Variants in PIK3R3 observed in about 807,000 individuals in gnomAD.
PIK3R3 encodes phosphoinositide-3-kinase regulatory subunit 3, also known as phosphatidylinositol 3-kinase regulatory subunit gamma.
A neutral mutation model predicts 62.9 loss-of-function variants in PIK3R3; 64 were observed. That is an observed-to-expected ratio of 1.02 (90% CI 0.83 to 1.25). The LOEUF (loss-of-function observed/expected upper bound fraction) is 1.25, where lower values mean the gene tolerates loss of function less well. Ranked by LOEUF, PIK3R3 falls within the 50% of genes most tolerant of loss-of-function variation. The pLI is 0.00. For missense variants in PIK3R3, 614 were observed against 561.6 expected (o/e 1.09, Z -0.94); for synonymous variants, 165 against 189.0 (o/e 0.87, Z 1.04).
intron 1 of PIK3R3, among the ~76,000 whole-genome samples, chr1:46,114,718 T>TGC (rs1654025398): frequency 6.7e-6 from 1 of 149,360 alleles, no homozygotes. Flanking sequence ...AATCCTCCCA[T>TGC]CTCAGCCTCC....
At chr1:46,078,521 G>C (rs2149411332) in intron 2 of PIK3R3, among the ~76,000 whole-genome samples, 1 of 152,164 alleles carries the variant, frequency 6.6e-6, no homozygotes, top group South Asian at 2.1e-4. Flanking sequence ...CAGCCTGGGG[G>C]ACTGAACGAG....
chr1:46,074,532 G>A (rs1185857965), intron 3 of PIK3R3, among the ~76,000 whole-genome samples: 1 of 152,026 alleles, frequency 6.6e-6, no homozygotes, highest in African/African-American at 2.4e-5. Context: ...TCTAGCTATA[G>A]GTCTAGAAGC....
chr1:46,104,079 C>T (rs1472340271), intron 1 of PIK3R3, among the ~76,000 whole-genome samples: 7 of 151,616 alleles, frequency 4.6e-5, no homozygotes, highest in Non-Finnish European at 1.0e-4. Flanking sequence ...GATGCACCAC[C>T]ATGCCTGGCT....
At position 46,132,252 on chromosome 1, in the gene PIK3R3, C is replaced by A; in HGVS notation, c.-300G>T. On this transcript the variant is annotated 5_prime_UTR_variant, in exon 1 of 10. Coordinates refer to ENST00000262741, the MANE Select transcript of PIK3R3 (RefSeq NM_003629.4). Reference sequence around the variant, plus strand: ...AAAAGCGGCTTCCCAAAAATCCTTTCTACACAGTCGCTCTCCGGGGAGAAA... The same window carrying A: ...AAAAGCGGCTTCCCAAAAATCCTTTATACACAGTCGCTCTCCGGGGAGAAA... 8.6e-7 allele frequency: 1 copy of A among 1,157,152 alleles called. No individual in the cohort carries two copies. Among genetic ancestry groups the A allele is most frequent in the East Asian group, 5.8e-5 (1 of 17,362 alleles). The allele number at this position is 1,157,152 out of a possible 1,614,324, so 71.7% of individuals were successfully genotyped here.
the PIK3R3 span, among the ~76,000 whole-genome samples, chr1:46,155,125 G>A: frequency 6.6e-6 from 1 of 152,122 alleles, no homozygotes; most frequent in Non-Finnish European, 1.5e-5. Flanking sequence ...TTGAAGACCA[G>A]CCTGGGTAAC....
intron 1 of PIK3R3, among the ~76,000 whole-genome samples, chr1:46,093,046 T>C (rs1182920804): frequency 1.3e-5 from 2 of 152,136 alleles, no homozygotes; most frequent in Non-Finnish European, 2.9e-5. Context: ...TACCCTAAAT[T>C]TACCTCTCTC....
chr1:46,129,876 T>G (rs965207259), intron 1 of PIK3R3, among the ~76,000 whole-genome samples: 3 of 152,206 alleles, frequency 2.0e-5, no homozygotes, highest in African/African-American at 7.2e-5. Flanking sequence ...CATATGTATT[T>G]TTCAGTATTC....
At chr1:46,161,908 T>C in the PIK3R3 span, among the ~76,000 whole-genome samples, 1,085 of 150,346 alleles carry the variant, frequency 7.2e-3, 7 homozygotes, top group East Asian at 0.016. Flanking sequence ...CTGGCTAACA[T>C]GGTGAAACCC....
upstream of PIK3R3, chr1:46,132,932 CT>C (rs1343397622): frequency 1.7e-6 from 2 of 1,164,930 alleles, no homozygotes; most frequent in Non-Finnish European, 2.2e-6. Flanking sequence ...GATCCGGGCG[CT>C]GGCCGCACTC....
intron 1 of PIK3R3, among the ~76,000 whole-genome samples, chr1:46,113,675 C>T (rs1002494812): frequency 6.6e-6 from 1 of 152,206 alleles, no homozygotes; most frequent in Non-Finnish European, 1.5e-5. Flanking sequence ...ACGTCTCCTA[C>T]TCCACCAGTA....
chr1:46,096,827 C>T (rs926450458), intron 1 of PIK3R3, among the ~76,000 whole-genome samples: 3 of 142,928 alleles, frequency 2.1e-5, no homozygotes, highest in South Asian at 2.2e-4. Context: ...GGCAACAGAG[C>T]GAGACTCTGT....
rs1646972081 is a variant in PIK3R3 at position 46,040,303 on chromosome 1, GAAC to G, written c.*3367_*3369del. On this transcript the variant is annotated 3_prime_UTR_variant, in exon 10 of 10. Transcript: ENST00000262741. ...AATGTCTGAACACATCTGGTGACAA[GAAC>G]AATTTGTAAAGTGGTCTAGCAACTA... 1 of 232,184 alleles carries G rather than the reference GAAC, an allele frequency of 4.3e-6. No homozygotes were observed. Among genetic ancestry groups the G allele is most frequent in the Non-Finnish European group, 8.5e-6 (1 of 117,180 alleles). 14.4% of individuals were successfully genotyped at this position (232,184 alleles called of 1,614,324 possible).
intron 1 of PIK3R3, among the ~76,000 whole-genome samples, chr1:46,090,710 A>G (rs1651549354): frequency 6.6e-6 from 1 of 152,224 alleles, no homozygotes. Context: ...AAAAATACTC[A>G]AAACTCATTG....
intron 6 of PIK3R3, among the ~76,000 whole-genome samples, chr1:46,058,566 G>A (rs1247675767): frequency 6.6e-6 from 1 of 152,260 alleles, no homozygotes; most frequent in African/African-American, 2.4e-5. Flanking sequence ...TCTTGCGTCA[G>A]CATGTCCTGG....
At chr1:46,085,116 G>A (rs1348454275) in intron 1 of PIK3R3, among the ~76,000 whole-genome samples, 1 of 152,186 alleles carries the variant, frequency 6.6e-6, no homozygotes, top group Non-Finnish European at 1.5e-5. Context: ...CTGCCTCCTT[G>A]TATCTTGCTG....
Position 46,055,811 on chromosome 1 carries a change from G to C in PIK3R3, c.925C>G (p.Arg309Gly), listed in dbSNP as rs968243629. The C allele has an allele frequency of 2.5e-6, 4 of 1,589,404 alleles. No individual in the cohort carries two copies. In the Admixed American group the frequency reaches 7.1e-5, roughly 28 times the overall value. The change falls in exon 7 of 10, where the codon CGA becomes GGA. Residue 309 changes from arginine (R) to glycine (G), a missense_variant. Transcript: ENST00000262741. ...ACTACTTACACAAGGTGTTGATCTCGGATCTTTCGCAGCTGGATCAGGTCA... is the reference window on the plus strand; with the variant it reads ...ACTACTTACACAAGGTGTTGATCTCCGATCTTTCGCAGCTGGATCAGGTCA... ...KPDLIQLRKI[R>G]DQHLVWLNHK... is the part of the protein sequence containing the mutation.
the PIK3R3 span, among the ~76,000 whole-genome samples, chr1:46,140,850 G>GTTTTTTGT: frequency 2.7e-3 from 403 of 151,692 alleles, 4 homozygotes; most frequent in Non-Finnish European, 1.6e-3. Flanking sequence ...TTGTTTTTTT[G>GTTTTTTGT]TTTTTTGTTT....
Position 46,065,976 on chromosome 1 carries a change from C to A in PIK3R3, c.621+78G>T. ...TTAAGACATTAAAACAGCTAAAGATCATCAAGTGAATGATCGAAAATTTGA... is the reference window on the plus strand; with the variant it reads ...TTAAGACATTAAAACAGCTAAAGATAATCAAGTGAATGATCGAAAATTTGA... On this transcript the variant is annotated intron_variant, in intron 5 of 9. Transcript: ENST00000262741. 2.3e-6 allele frequency: 3 copies of A among 1,280,774 alleles called. No homozygotes were observed. The South Asian group carries it at 3.6e-5, about 15-fold the overall frequency. 79.3% of individuals were successfully genotyped at this position (1,280,774 alleles called of 1,614,324 possible).
At chr1:46,092,039 G>A (rs770990155) in intron 1 of PIK3R3, among the ~76,000 whole-genome samples, 9 of 151,928 alleles carry the variant, frequency 5.9e-5, no homozygotes, top group Non-Finnish European at 8.8e-5. Flanking sequence ...TGAATACAGC[G>A]GGCCCACCAT....
Sources: gnomAD v4.1 joint callset for allele counts (sites outside exome capture counted in the v4.1 genomes callset) on GRCh38, gnomAD v4.1.1 for gene constraint, MANE v1.5 for transcripts, NCBI Gene and HGNC (gene_info 2026-07-23, HGNC 2026-07-21) for gene names.